THOP1: variants seen among roughly 807,000 people sequenced by gnomAD.
THOP1 encodes the protein thimet oligopeptidase.
A neutral mutation model predicts 71.8 loss-of-function variants in THOP1; 49 were observed. The observed-to-expected ratio is 0.68, with a 90% confidence interval of 0.54 to 0.87. The LOEUF is 0.87. Among genes scored for constraint, THOP1 ranks in the 40% least tolerant of loss-of-function variants. The pLI, the probability that THOP1 is intolerant of heterozygous loss-of-function variation, is 0.00. For synonymous variants in THOP1, 426 were observed against 421.5 expected, an observed-to-expected ratio of 1.01 and a Z score of -0.13; for missense variants, 843 against 975.6, an observed-to-expected ratio of 0.86 and a Z score of 1.81.
rs146515881 is a variant in THOP1 at position 2,788,051 on chromosome 19, C to T, written c.17-2370C>T. Among the ~76,000 whole-genome samples, 791 of 152,256 alleles carry T rather than the reference C, an allele frequency of 5.2e-3. 19 individuals carry two copies. The highest frequency in any genetic ancestry group is 3.3e-3 in the East Asian group (17 of 5,190). The stretch of plus-strand genomic sequence containing the variant: ...GAAATTCTGAATGTTAAAATGTCCC[C>T]GGCCCCAAGACTTTTTGGACAGGAG... On this transcript the variant is annotated intron_variant, in intron 1 of 12. Transcript: ENST00000307741.
intron 4 of THOP1, among the ~76,000 whole-genome samples, chr19:2,798,612 A>G (rs1005210861): frequency 5.9e-5 from 9 of 152,230 alleles, no homozygotes; most frequent in Non-Finnish European, 1.2e-4. Flanking sequence ...AGGGGGAGAC[A>G]TTGGGAATTG....
At chr19:2,812,073 G>C in intron 12 of THOP1, 1 of 1,248,074 alleles carries the variant, frequency 8.0e-7, no homozygotes, top group Non-Finnish European at 1.1e-6. Context: ...AGTGCTGGGA[G>C]CTCCGTGTCT....
chr19:2,803,919 C>A (rs1916220424), intron 5 of THOP1, among the ~76,000 whole-genome samples: 1 of 152,048 alleles, frequency 6.6e-6, no homozygotes, highest in African/African-American at 2.4e-5. Context: ...TCATTCTTTC[C>A]ACCCCTACTG....
Position 2,807,868 on chromosome 19 carries a change from G to A in THOP1, c.1253+60G>A, listed in dbSNP as rs1916347755. 2.5e-5 allele frequency: 35 copies of A among 1,416,822 alleles called. No individual in the cohort carries two copies. In the South Asian group the frequency reaches 5.0e-4, roughly 20 times the overall value. 87.8% of individuals were successfully genotyped at this position (1,416,822 alleles called of 1,614,324 possible). On this transcript the variant is annotated intron_variant, in intron 8 of 12. Transcript: ENST00000307741. ...CGGCCCTGGGTCTCCTCGGAGCCCG[G>A]TGTGCCCGTCTGAGATGGGAAGGAA...
chr19:2,801,632 C>T lies in THOP1; in HGVS notation c.589+1841C>T, dbSNP rs1916146507. 6.6e-6 allele frequency among the ~76,000 whole-genome samples: 1 copy of T among 152,158 alleles called. No individual in the cohort carries two copies. Among genetic ancestry groups the T allele is most frequent in the African/African-American group, 2.4e-5 (1 of 41,418 alleles). ...CTGCTTACAACAGAAAACCTAAGGC[C>T]ATGTAGTTTATAAGAAAAGGAATTA... is the stretch of plus-strand genomic sequence containing the variant. On this transcript the variant is annotated intron_variant, in intron 5 of 12. Coordinates refer to ENST00000307741, the MANE Select transcript of THOP1 (RefSeq NM_003249.5). This position sits in a 1 kb window ranked among gnomAD's most constrained non-coding sequence, Gnocchi z 5.1.
chr19:2,811,676 T>C lies in THOP1; in HGVS notation c.1850T>C (p.Val617Ala). 1.2e-6 allele frequency: 2 copies of C among 1,613,178 alleles called. No homozygotes were observed. ...TACTACGGGTACCTGTGGAGCGAGG[T>C]GTATTCCATGGACATGTTCCACACG... ...AQYYGYLWSE[V>A]YSMDMFHTRF... Residue 617 changes from valine to alanine, a missense_variant, in exon 12 of 13, where the codon GTG (valine) becomes GCG (alanine). By Grantham distance (64) the Val-to-Ala change is moderately conservative. Coordinates refer to ENST00000307741, the MANE Select transcript of THOP1 (RefSeq NM_003249.5).
In THOP1 at chr19:2,811,325, C is replaced by T. The variant is rs370077433; in HGVS notation, c.1772-273C>T. ...GCGTGGGCGTGCCTTGCTTTATTGA[C>T]GCAGTCTCAAAATGGGGACTTTGCT... On this transcript the variant is annotated intron_variant, in intron 11 of 12. Transcript: ENST00000307741. 2.4e-4 allele frequency among the ~76,000 whole-genome samples: 37 copies of T among 152,332 alleles called. 1 individual carries two copies. In the South Asian group the frequency reaches 3.7e-3, roughly 15 times the overall value.
In THOP1 at chr19:2,805,064, G is replaced by T; in HGVS notation, c.638G>T (p.Gly213Val). 1 of 1,612,794 alleles carries T rather than the reference G, an allele frequency of 6.2e-7. No homozygotes were observed. The highest frequency in any genetic ancestry group is 8.5e-7 in the Non-Finnish European group (1 of 1,179,730). ...AACTCCCTGGAGAAGATGGAGGACG[G>T]CAAGTTGAAGGTCACCCTCAAGTAC... ...FLNSLEKMED[G>V]KLKVTLKYPH... The change falls in exon 6 of 13, where the codon GGC becomes GTC. Residue 213 changes from glycine to valine, a missense_variant. By Grantham distance (109) the Gly-to-Val change is moderately radical (BLOSUM62 -3). Coordinates refer to ENST00000307741, the MANE Select transcript of THOP1 (RefSeq NM_003249.5). This position sits in a 1 kb window ranked among gnomAD's most constrained non-coding sequence, Gnocchi z 6.6.
rs1018328331 is a variant in THOP1 at position 2,814,105 on chromosome 19, G to A, written c.*829G>A. The A allele has an allele frequency of 2.6e-5, 4 of 152,438 alleles. No homozygotes were observed. Among genetic ancestry groups the A allele is most frequent in the African/African-American group, 9.7e-5 (4 of 41,446 alleles). 9.4% of individuals were successfully genotyped at this position (152,438 alleles called of 1,614,324 possible). ...GCTCGGCCATGGCCCTCATCCTCAT[G>A]GCCTTGGGGACTGCCTGTGCCTGCC... On this transcript the variant is annotated 3_prime_UTR_variant, in exon 13 of 13. Transcript: ENST00000307741.
chr19:2,812,246 C>A (rs949567819), intron 12 of THOP1: 7 of 1,534,392 alleles, frequency 4.6e-6, no homozygotes, highest in Non-Finnish European at 6.1e-6. Context: ...GCCTGTGCCT[C>A]CCGCTGACTT....
In THOP1 at chr19:2,801,320, G is replaced by A. The variant is rs186122464; in HGVS notation, c.589+1529G>A. Among the ~76,000 whole-genome samples, 261 of 152,300 alleles carry A rather than the reference G, an allele frequency of 1.7e-3. 1 individual carries two copies. The highest frequency in any genetic ancestry group is 6.0e-3 in the African/African-American group (248 of 41,562). ...GGTTTCAGCCAGTTTTGTTCTTGTC[G>A]GCGTTTCAGCTGCCTGTTTCTTTTC... On this transcript the variant is annotated intron_variant, in intron 5 of 12. Coordinates refer to ENST00000307741, the MANE Select transcript of THOP1 (RefSeq NM_003249.5). The surrounding 1 kb of genome is among the most constrained non-coding windows in gnomAD (Gnocchi z 5.1).
rs538588108 is a variant in THOP1, at chr19:2,791,700, C to T, written c.229+1067C>T. The stretch of plus-strand genomic sequence containing the variant: ...AGGTGATACCAGTTCCCTCTTATGG[C>T]GCCCAGCGGTGCCAGGCATCATTTC... On this transcript the variant is annotated intron_variant, in intron 2 of 12. Transcript: ENST00000307741. Among the ~76,000 whole-genome samples the T allele has an allele frequency of 3.7e-4, 56 of 152,304 alleles. No individual in the cohort carries two copies. The South Asian group carries it at 0.01, about 28-fold the overall frequency.
chr19:2,811,719 T>C lies in THOP1; in HGVS notation c.1893T>C (p.Gly631=), dbSNP rs1235493792. ...TCCACACGCGCTTCAAGCAGGAGGG[T>C]GTCCTGAACAGCAAGGTACGCGGGG... ...DMFHTRFKQE[G]VLNSKVGMDY... Residue 631 remains glycine, a synonymous_variant, in exon 12 of 13, where the codon GGT becomes GGC. Coordinates refer to ENST00000307741, the MANE Select transcript of THOP1 (RefSeq NM_003249.5). The C allele has an allele frequency of 2.6e-5, 42 of 1,605,758 alleles. No individual in the cohort carries two copies. The highest frequency in any genetic ancestry group is 5.5e-5 in the African/African-American group (4 of 72,566).
intron 2 of THOP1, among the ~76,000 whole-genome samples, chr19:2,791,135 G>A (rs963128661): frequency 2.0e-5 from 3 of 152,126 alleles, no homozygotes; most frequent in African/African-American, 4.8e-5. Flanking sequence ...TCATGTCCTC[G>A]GGCGTCCTCC....
At position 2,796,114 on chromosome 19, in the gene THOP1, G is replaced by A; in HGVS notation, c.412G>A (p.Ala138Thr). ...TCAGAAGGACTCACTGAGGCCCGAG[G>A]CTGCGCGGTACCTGGAGCGGCTAAT... Reference protein sequence around the residue: ...KVQKDSLRPEAARYLERLIKL... With the variant: ...KVQKDSLRPETARYLERLIKL... Residue 138 changes from alanine (A) to threonine (T), a missense_variant, in exon 4 of 13, where the codon GCT (alanine) becomes ACT (threonine). Coordinates refer to ENST00000307741, the MANE Select transcript of THOP1 (RefSeq NM_003249.5). The A allele has an allele frequency of 6.2e-7, 1 of 1,613,994 alleles. No homozygotes were observed. The highest frequency in any genetic ancestry group is 8.5e-7 in the Non-Finnish European group (1 of 1,179,990).
In THOP1 at chr19:2,805,618, G is replaced by A. The variant is rs541291107; in HGVS notation, c.750+442G>A. Among the ~76,000 whole-genome samples, 4 of 152,280 alleles carry A rather than the reference G, an allele frequency of 2.6e-5. 1 individual carries two copies. The South Asian group carries it at 8.3e-4, about 32-fold the overall frequency. On this transcript the variant is annotated intron_variant, in intron 6 of 12. Coordinates refer to ENST00000307741, the MANE Select transcript of THOP1 (RefSeq NM_003249.5). The surrounding 1 kb of genome is among the most constrained non-coding windows in gnomAD (Gnocchi z 6.6). ...GGCGTCAGACGGCCGTTCCCACAGG[G>A]ACACATGTAACTGTCCACGGCGCCA... is the stretch of plus-strand genomic sequence containing the variant.
intron 2 of THOP1, 134 bp from the exon 3 acceptor site, chr19:2,794,630 A>AT: frequency 8.9e-7 from 1 of 1,118,576 alleles, no homozygotes; most frequent in Non-Finnish European, 1.3e-6. Context: ...AGTCCCAGCT[A>AT]CTTGGGAGGC....
At position 2,806,934 on chromosome 19, in the gene THOP1, C is replaced by T. The variant is rs746925293; in HGVS notation, c.768C>T (p.Leu256=). The T allele has an allele frequency of 2.5e-5, 41 of 1,613,048 alleles. No individual in the cohort carries two copies. Among genetic ancestry groups the T allele is most frequent in the Non-Finnish European group, 3.5e-5 (41 of 1,179,824 alleles). Residue 256 remains leucine, a synonymous_variant, in exon 7 of 13, where the codon CTC becomes CTT. Transcript: ENST00000307741. ...GGTTGCAGGAGAACTGCGCTATCCT[C>T]AAGGAGCTGGTGACGCTGCGGGCCC... ...CRCKEENCAI[L]KELVTLRAQK... is the part of the protein sequence containing the mutation.
At chr19:2,812,436 C>CT in intron 12 of THOP1, 2 of 1,406,558 alleles carry the variant, frequency 1.4e-6, no homozygotes, top group Non-Finnish European at 1.8e-6. Context: ...AGGCCAGGAC[C>CT]TGGGGGAGCA....
Sources: allele counts gnomAD v4.1 joint callset (sites outside exome capture counted in the v4.1 genomes callset), GRCh38; gene constraint gnomAD v4.1.1; non-coding constraint Gnocchi (gnomAD v3.1); transcripts MANE v1.5; gene names NCBI Gene and HGNC (gene_info 2026-07-23, HGNC 2026-07-21).